Variants in U2AF2 observed in about 807,000 individuals in gnomAD.
U2AF2 encodes the protein U2 small nuclear RNA auxiliary factor 2.
U2AF2 carries 6 observed loss-of-function variants against 52.6 expected under a neutral mutation model. That is an observed-to-expected ratio of 0.11 (90% CI 0.06 to 0.23). U2AF2 has a LOEUF of 0.23. U2AF2 is among the 10% of genes least tolerant of loss of function. The pLI is 1.00. For missense variants in U2AF2, 222 were observed against 677.1 expected (o/e 0.33, Z 7.46); for synonymous variants, 284 against 258.2 (o/e 1.10, Z -0.96).
intron 6 of U2AF2, 112 bp from the exon 7 acceptor site, chr19:55,663,494 G>A: frequency 6.7e-7 from 1 of 1,486,012 alleles, no homozygotes; most frequent in South Asian, 1.4e-5. Flanking sequence ...GGCCTGGCAT[G>A]TTGTATTTGT....
chr19:55,673,959 T>C lies in U2AF2; in HGVS notation c.1319T>C (p.Phe440Ser). 1 of 1,613,818 alleles carries C rather than the reference T, an allele frequency of 6.2e-7. No individual in the cohort carries two copies. The highest frequency in any genetic ancestry group is 8.5e-7 in the Non-Finnish European group (1 of 1,179,836). ...GKIFVEFTSV[F>S]DCQKAMQGLT... Reference sequence around the variant, plus strand: ...ATCTTTGTGGAGTTCACCTCTGTGTTTGACTGCCAGAAAGCCATGCAGGGC... The same window carrying C: ...ATCTTTGTGGAGTTCACCTCTGTGTCTGACTGCCAGAAAGCCATGCAGGGC... The change falls in exon 12 of 12, where the codon TTT becomes TCT. Residue 440 changes from phenylalanine (F) to serine (S), a missense_variant. By Grantham distance (155) the Phe-to-Ser change is radical (BLOSUM62 -2). Coordinates refer to ENST00000308924, the MANE Select transcript of U2AF2 (RefSeq NM_007279.3).
At chr19:55,666,849 C>T (rs574170265) in intron 7 of U2AF2, among the ~76,000 whole-genome samples, 6 of 152,354 alleles carry the variant, frequency 3.9e-5, no homozygotes, top group Admixed American at 2.0e-4. Context: ...GCAGAGCCTG[C>T]AGCCTGCCAT....
chr19:55,667,389 A>C (rs1984611554), intron 7 of U2AF2, among the ~76,000 whole-genome samples: 1 of 152,188 alleles, frequency 6.6e-6, no homozygotes, highest in African/African-American at 2.4e-5. Flanking sequence ...CTTGGGAGTC[A>C]GGCTGGTTGG....
chr19:55,655,643 C>T (rs1458057497), intron 1 of U2AF2, among the ~76,000 whole-genome samples: 3 of 152,208 alleles, frequency 2.0e-5, no homozygotes, highest in Non-Finnish European at 2.9e-5. Flanking sequence ...CCTTTCCTTC[C>T]TTCACGTGGA....
At chr19:55,656,620 T>C (rs1983814368) in intron 1 of U2AF2, among the ~76,000 whole-genome samples, 1 of 152,258 alleles carries the variant, frequency 6.6e-6, no homozygotes, top group African/African-American at 2.4e-5. Flanking sequence ...GGCTCTTCGC[T>C]AAACTCTTAG....
chr19:55,669,344 T>G, intron 10 of U2AF2, 100 bp from the exon 11 acceptor site: 1 of 1,542,734 alleles, frequency 6.5e-7, no homozygotes, highest in East Asian at 2.3e-5. Context: ...AGTGGAGAGA[T>G]GGCCTTTCCC....
chr19:55,661,658 C>G (rs1395547869), intron 5 of U2AF2: 2 of 161,984 alleles, frequency 1.2e-5, no homozygotes, highest in African/African-American at 2.4e-5. Flanking sequence ...TTGATCGCCC[C>G]TGACCTCCCC....
chr19:55,674,091 G>T lies in U2AF2; in HGVS notation c.*23G>T, dbSNP rs1342047216. The stretch of plus-strand genomic sequence containing the variant: ...TAGAGGCGGCTGGGGGAGGGTGGGG[G>T]CAGGGCTGGCTGGGGGCTTCTCCCC... On this transcript the variant is annotated 3_prime_UTR_variant, in exon 12 of 12. Coordinates refer to ENST00000308924, the MANE Select transcript of U2AF2 (RefSeq NM_007279.3). 6.9e-7 allele frequency: 1 copy of T among 1,443,042 alleles called. No individual in the cohort carries two copies. The highest frequency in any genetic ancestry group is 2.5e-5 in the East Asian group (1 of 40,000). 89.4% of individuals were successfully genotyped at this position (1,443,042 alleles called of 1,614,324 possible).
chr19:55,660,954 G>A lies in U2AF2; in HGVS notation c.335-84G>A, dbSNP rs895815012. Reference sequence around the variant, plus strand: ...GAGCCTGTAGGAGCTTTCTGCTGAGGAGGGGAACTCCCAGTGTGTGGTGAG... The same window carrying A: ...GAGCCTGTAGGAGCTTTCTGCTGAGAAGGGGAACTCCCAGTGTGTGGTGAG... On this transcript the variant is annotated intron_variant, in intron 4 of 11. Transcript: ENST00000308924. 3.3e-6 allele frequency: 5 copies of A among 1,495,850 alleles called. No individual in the cohort carries two copies. In the African/African-American group the frequency reaches 5.6e-5, roughly 17 times the overall value. The allele number at this position is 1,495,850 out of a possible 1,614,324, so 92.7% of individuals were successfully genotyped here.
chr19:55,660,327 G>C (rs1984094473), intron 3 of U2AF2, 106 bp downstream of exon 3: 4 of 1,355,546 alleles, frequency 3.0e-6, no homozygotes. Context: ...CAAGCACTGG[G>C]AAGAGTCCAC....
intron 1 of U2AF2, among the ~76,000 whole-genome samples, chr19:55,655,677 A>G (rs1393296421): frequency 6.6e-6 from 1 of 152,016 alleles, no homozygotes; most frequent in Non-Finnish European, 1.5e-5. Flanking sequence ...GTTTCGGCGG[A>G]TGCTTGGAGG....
At chr19:55,660,003 T>TG (rs935555601) in intron 2 of U2AF2, among the ~76,000 whole-genome samples, 174 bp from the exon 3 acceptor site, 2 of 151,804 alleles carry the variant, frequency 1.3e-5, no homozygotes, top group Non-Finnish European at 2.9e-5. Context: ...TCCTCTTTCC[T>TG]GGGGGTGGGA....
intron 6 of U2AF2, 44 bp from the exon 7 acceptor site, chr19:55,663,562 G>C (rs765912100): frequency 1.2e-6 from 2 of 1,603,430 alleles, no homozygotes; most frequent in Middle Eastern, 1.7e-4. Context: ...GGCTGTACTA[G>C]TCCCTGACCC....
At chr19:55,670,371 C>A (rs149318523) in intron 11 of U2AF2, among the ~76,000 whole-genome samples, 3 of 145,548 alleles carry the variant, frequency 2.1e-5, no homozygotes, top group Non-Finnish European at 4.5e-5. Flanking sequence ...TATGGAATTC[C>A]CATCGTACCA....
chr19:55,659,394 G>A (rs939590135), intron 2 of U2AF2, 49 bp downstream of exon 2: 8 of 1,434,218 alleles, frequency 5.6e-6, no homozygotes, highest in South Asian at 4.3e-5. Context: ...TCGGGGGGTC[G>A]GTGTTGGCCG....
chr19:55,670,679 G>A, intron 11 of U2AF2: 1 of 235,754 alleles, frequency 4.2e-6, no homozygotes, highest in Non-Finnish European at 8.5e-6. Context: ...AGGTGGTGGG[G>A]CCAGGGCTGA....
chr19:55,673,942 G>A lies in U2AF2; in HGVS notation c.1302G>A (p.Val434=), dbSNP rs764088058. 6.2e-7 allele frequency: 1 copy of A among 1,612,500 alleles called. No homozygotes were observed. The highest frequency in any genetic ancestry group is 1.3e-5 in the African/African-American group (1 of 74,982). The change falls in exon 12 of 12, where the codon GTG becomes GTA. Residue 434 remains valine, a synonymous_variant. Coordinates refer to ENST00000308924, the MANE Select transcript of U2AF2 (RefSeq NM_007279.3). ...CTCTCCTTTCCCCACAGATCTTTGTGGAGTTCACCTCTGTGTTTGACTGCC... is the reference window on the plus strand; with the variant it reads ...CTCTCCTTTCCCCACAGATCTTTGTAGAGTTCACCTCTGTGTTTGACTGCC... The part of the protein sequence containing the change: ...VEVPGCGKIF[V]EFTSVFDCQK...
chr19:55,662,641 G>C, intron 6 of U2AF2, 23 bp downstream of exon 6: 6 of 1,603,312 alleles, frequency 3.7e-6, no homozygotes, highest in Non-Finnish European at 5.1e-6. Context: ...AGTGAGTGAG[G>C]TCCAGGAAAC....
In U2AF2 at chr19:55,659,359, G is replaced by C; in HGVS notation, c.185+14G>C. 1 of 1,481,240 alleles carries C rather than the reference G, an allele frequency of 6.8e-7. No homozygotes were observed. Among genetic ancestry groups the C allele is most frequent in the Non-Finnish European group, 9.0e-7 (1 of 1,108,072 alleles). The allele number at this position is 1,481,240 out of a possible 1,614,324, so 91.8% of individuals were successfully genotyped here. A position where few individuals can be genotyped will look rare whatever the true frequency, so the allele number is the denominator to read the frequency against. The stretch of plus-strand genomic sequence containing the variant: ...GCGACGACGCAGGTACTAGGGCTCA[G>C]GGATCCCCTGGGCCAGCCTGGGAGT... On this transcript the variant is annotated intron_variant, in intron 2 of 11. Transcript: ENST00000308924.
Sources: gnomAD v4.1 joint callset for allele counts (sites outside exome capture counted in the v4.1 genomes callset) on GRCh38, gnomAD v4.1.1 for gene constraint, MANE v1.5 for transcripts, NCBI Gene and HGNC (gene_info 2026-07-23, HGNC 2026-07-21) for gene names.